INSR: variants seen among roughly 807,000 people sequenced by gnomAD.
INSR encodes the protein insulin receptor, also known as IR.
Under a neutral mutation model 142.6 loss-of-function variants are expected in INSR, and 67 were observed. That is an observed-to-expected ratio of 0.47 (90% CI 0.39 to 0.58). INSR has a LOEUF of 0.58. Among genes scored for constraint, INSR ranks in the 20% least tolerant of loss-of-function variants. INSR has a pLI of 0.00. For synonymous variants in INSR, 756 were observed against 743.1 expected, an observed-to-expected ratio of 1.02 and a Z score of -0.28; for missense variants, 1,248 against 1,833.2, an observed-to-expected ratio of 0.68 and a Z score of 5.83.
intron 2 of INSR, among the ~76,000 whole-genome samples, chr19:7,194,013 A>G (rs1974670921): frequency 2.0e-5 from 3 of 152,166 alleles, no homozygotes; most frequent in African/African-American, 7.2e-5. Context: ...TACATTTTTC[A>G]AAAGCCTCTG....
intron 3 of INSR, among the ~76,000 whole-genome samples, chr19:7,178,344 G>A (rs1974193144): frequency 6.6e-6 from 1 of 151,472 alleles, no homozygotes; most frequent in Non-Finnish European, 1.5e-5. Flanking sequence ...CCAGGGAGAT[G>A]AGGGGGCTGG....
At chr19:7,205,862 C>T (rs1975093061) in intron 2 of INSR, among the ~76,000 whole-genome samples, 1 of 152,178 alleles carries the variant, frequency 6.6e-6, no homozygotes, top group African/African-American at 2.4e-5. Flanking sequence ...GCACTCCAGC[C>T]TGGGTGACAG....
chr19:7,289,594 T>C (rs138144774), intron 1 of INSR, among the ~76,000 whole-genome samples: 10,431 of 151,750 alleles, frequency 0.069, 1,183 homozygotes, highest in African/African-American at 0.23. Context: ...TTAGTAGAGA[T>C]GGGGTTTCAC....
At chr19:7,124,525 C>T (rs1426190946) in intron 17 of INSR, among the ~76,000 whole-genome samples, 18 of 94,046 alleles carry the variant, frequency 1.9e-4, no homozygotes, top group Non-Finnish European at 2.6e-4. Flanking sequence ...CACAACAAAG[C>T]GAGACTCCGT....
At chr19:7,195,462 G>A (rs907658942) in intron 2 of INSR, among the ~76,000 whole-genome samples, 5 of 151,968 alleles carry the variant, frequency 3.3e-5, no homozygotes, top group African/African-American at 1.2e-4. Flanking sequence ...GGCCAACATG[G>A]TGAAACCCTT....
intron 2 of INSR, among the ~76,000 whole-genome samples, chr19:7,234,989 C>T (rs1976112320): frequency 6.6e-6 from 1 of 151,818 alleles, no homozygotes; most frequent in South Asian, 2.1e-4. Flanking sequence ...ACCCGGGAGG[C>T]GGAGCTTGCA....
At chr19:7,236,371 G>T (rs527442792) in intron 2 of INSR, among the ~76,000 whole-genome samples, 25 of 152,296 alleles carry the variant, frequency 1.6e-4, no homozygotes, top group African/African-American at 5.8e-4. Context: ...CTACACAATT[G>T]TGTATAACAG....
rs530025307 is a variant in INSR at position 7,190,703 on chromosome 19, G to T, written c.653-6066C>A. ...GAAGACTATCCTTCGAACACTATAA[G>T]CTCATTCCAGGTGTTTCCAACTCTG... On this transcript the variant is annotated intron_variant, in intron 2 of 21. Transcript: ENST00000302850. Among the ~76,000 whole-genome samples the T allele has an allele frequency of 2.0e-5, 3 of 152,154 alleles. No homozygotes were observed. The South Asian group carries it at 6.2e-4, about 32-fold the overall frequency.
chr19:7,162,381 C>T (rs1332881071), intron 9 of INSR, among the ~76,000 whole-genome samples: 1 of 142,602 alleles, frequency 7.0e-6, no homozygotes, highest in Admixed American at 7.2e-5. Context: ...CACCTGCAGA[C>T]AATTGTGGTG....
chr19:7,151,992 G>A (rs1599911227), intron 10 of INSR: 2 of 146,294 alleles, frequency 1.4e-5, no homozygotes, highest in East Asian at 2.0e-4. Context: ...TTTTGGTAGC[G>A]ATGGGGTCTC....
rs1599866174 is a variant in INSR, at chr19:7,119,549, A to G, written c.3694T>C (p.Leu1232=). The G allele has an allele frequency of 1.2e-6, 2 of 1,614,142 alleles. No homozygotes were observed. Among genetic ancestry groups the G allele is most frequent in the Non-Finnish European group, 1.7e-6 (2 of 1,180,028 alleles). ...AGGCCTTGGTAAGGCTGTTCTGCCAAGCTGGTGATTTCCCAAAGGACCACG... is the reference window on the plus strand; with the variant it reads ...AGGCCTTGGTAAGGCTGTTCTGCCAGGCTGGTGATTTCCCAAAGGACCACG... ...FGVVLWEITS[L]AEQPYQGLSN... The change falls in exon 21 of 22, where the codon TTG becomes CTG. Residue 1232 remains leucine (L), a synonymous_variant. Coordinates refer to ENST00000302850, the MANE Select transcript of INSR (RefSeq NM_000208.4). This position sits in a 1 kb window ranked among gnomAD's most constrained non-coding sequence, Gnocchi z 5.2.
intron 2 of INSR, among the ~76,000 whole-genome samples, chr19:7,244,851 T>C (rs1429694045): frequency 1.3e-5 from 2 of 152,140 alleles, no homozygotes; most frequent in African/African-American, 4.8e-5. Context: ...GCTGCACTTT[T>C]TTTCCTCTGG....
intron 9 of INSR, 22 bp from the exon 10 acceptor site, chr19:7,152,949 G>A (rs188546993): frequency 6.3e-7 from 1 of 1,588,016 alleles, no homozygotes; most frequent in South Asian, 1.1e-5. Flanking sequence ...AACAGAAAAG[G>A]GGGGCTCAAG....
At chr19:7,229,332 A>ATAGATGGATGGATGGATG (rs1568204425) in intron 2 of INSR, among the ~76,000 whole-genome samples, 229 of 81,952 alleles carry the variant, frequency 2.8e-3, no homozygotes, top group African/African-American at 9.5e-3. Context: ...ATGGATGGAT[A>ATAGATGGATGGATGGATG]GATGGATGGA....
At chr19:7,161,043 G>A (rs1973736253) in intron 9 of INSR, among the ~76,000 whole-genome samples, 1 of 148,308 alleles carries the variant, frequency 6.7e-6, no homozygotes, top group Non-Finnish European at 1.5e-5. Context: ...TTAAACTAAT[G>A]TATACACACT....
chr19:7,229,953 G>C (rs1232751653), intron 2 of INSR, among the ~76,000 whole-genome samples: 1 of 151,152 alleles, frequency 6.6e-6, no homozygotes, highest in Admixed American at 6.6e-5. Context: ...TCTTTTTTTT[G>C]TTTGTTTGTT....
chr19:7,258,437 C>A (rs982079333), intron 2 of INSR, among the ~76,000 whole-genome samples: 3 of 126,374 alleles, frequency 2.4e-5, no homozygotes, highest in African/African-American at 8.6e-5. Context: ...ATAAAAAATT[C>A]TTAGCTCATA....
At chr19:7,173,556 C>T (rs1009589013) in intron 4 of INSR, among the ~76,000 whole-genome samples, 1 of 151,170 alleles carries the variant, frequency 6.6e-6, no homozygotes, top group East Asian at 1.9e-4. Flanking sequence ...TCAAGTGATC[C>T]GCCCACCTCA....
intron 2 of INSR, among the ~76,000 whole-genome samples, chr19:7,255,309 G>A (rs1443404361): frequency 6.6e-6 from 1 of 151,988 alleles, no homozygotes; most frequent in African/African-American, 2.4e-5. Context: ...ACTCAGTATT[G>A]GTGGAAACAG....
Sources: gnomAD v4.1 joint callset for allele counts (sites outside exome capture counted in the v4.1 genomes callset) on GRCh38, gnomAD v4.1.1 for gene constraint, Gnocchi (gnomAD v3.1) non-coding constraint, MANE v1.5 for transcripts, NCBI Gene and HGNC (gene_info 2026-07-23, HGNC 2026-07-21) for gene names.